The following E2F8 variants were observed in gnomAD, a reference collection of about 807,000 sequenced individuals.
E2F8 encodes transcription factor E2F8.
A neutral mutation model predicts 80.8 loss-of-function variants in E2F8; 35 were observed. The ratio of observed to expected loss-of-function variants is 0.43; its 90% CI spans 0.33 to 0.57. The LOEUF is 0.57. Ranked by LOEUF, E2F8 falls within the 20% of genes least tolerant of loss-of-function variation. E2F8 has a pLI of 0.04. For missense variants in E2F8, 975 were observed against 1,056.2 expected (o/e 0.92, Z 1.07); for synonymous variants, 386 against 395.0 (o/e 0.98, Z 0.27).
chr11:19,234,353 C>T lies in E2F8; in HGVS notation c.928+7G>A, dbSNP rs753485713. ...GTTCAAAAATCCATGGCAGTCATGA[C>T]ACTTACTTTTAAACTTGCTTTTATC... On this transcript the variant is annotated splice_region_variant and intron_variant, in intron 6 of 12. Coordinates refer to ENST00000250024, the MANE Select transcript of E2F8 (RefSeq NM_024680.4). 1 of 1,613,242 alleles carries T rather than the reference C, an allele frequency of 6.2e-7. No homozygotes were observed. Among genetic ancestry groups the T allele is most frequent in the Non-Finnish European group, 8.5e-7 (1 of 1,179,744 alleles).
At chr11:19,240,293 A>C (rs1047276530) in intron 1 of E2F8, 63 bp from the exon 2 acceptor site, 14 of 391,614 alleles carry the variant, frequency 3.6e-5, no homozygotes, top group Non-Finnish European at 6.5e-5. Context: ...TCTGTTGAAA[A>C]TTCCTTCACG....
In E2F8 at chr11:19,237,361, G is replaced by C. The variant is rs746701153; in HGVS notation, c.404C>G (p.Pro135Arg). Residue 135 changes from proline to arginine, a missense_variant, in exon 4 of 13, where the codon CCT (proline) becomes CGT (arginine). Physicochemically the swap from Pro to Arg is moderately radical, Grantham distance 103. Transcript: ENST00000250024. ...AAGGCAGATGTCATTATTCACAGCA[G>C]GGTTGGGATAATTAGGATATCGTGC... ...FLARYPNYPNPAVNNDICLDE... is the reference protein window; with the variant it reads ...FLARYPNYPNRAVNNDICLDE... 9 of 1,614,128 alleles carry C rather than the reference G, an allele frequency of 5.6e-6. No individual in the cohort carries two copies. The Admixed American group carries it at 1.0e-4, about 18-fold the overall frequency.
chr11:19,224,929 G>A (rs1851189599), intron 12 of E2F8, 89 bp from the exon 13 acceptor site: 1 of 1,447,144 alleles, frequency 6.9e-7, no homozygotes, highest in Admixed American at 2.1e-5. Flanking sequence ...CTGGATGAAT[G>A]TATTGCACAT....
In E2F8 at chr11:19,234,815, T is replaced by A. The variant is rs1851470240; in HGVS notation, c.695A>T (p.Lys232Ile). The change falls in exon 5 of 13, where the codon AAA becomes ATA. Residue 232 changes from lysine to isoleucine, a missense_variant. Physicochemically the swap from Lys to Ile is moderately radical, Grantham distance 102. Coordinates refer to ENST00000250024, the MANE Select transcript of E2F8 (RefSeq NM_024680.4). ...GTGTCCATTTGGGCCAGTGTTTGAT[T>A]TGATGATATGATCCTCTATACTGTA... Reference protein sequence around the residue: ...KSYSIEDHIIKSNTGPNGHPD... With the variant: ...KSYSIEDHIIISNTGPNGHPD... 1 of 1,614,136 alleles carries A rather than the reference T, an allele frequency of 6.2e-7. No homozygotes were observed. The highest frequency in any genetic ancestry group is 1.3e-5 in the African/African-American group (1 of 74,942).
chr11:19,229,478 T>C lies in E2F8; in HGVS notation c.1869A>G (p.Leu623=). ...SGSKKKFKED[L]KGLENVSATL... ...CTGCGGAGACATTTTCAAGTCCTTT[T>C]AGGTCCTCTTTAAATTTCTTTTTGG... Residue 623 remains leucine (L), a synonymous_variant, in exon 10 of 13, where the codon CTA becomes CTG. Coordinates refer to ENST00000250024, the MANE Select transcript of E2F8 (RefSeq NM_024680.4). This position sits in a 1 kb window ranked among gnomAD's most constrained non-coding sequence, Gnocchi z 4.3. 6.2e-7 allele frequency: 1 copy of C among 1,613,964 alleles called. No individual in the cohort carries two copies. The highest frequency in any genetic ancestry group is 8.5e-7 in the Non-Finnish European group (1 of 1,179,962).
intron 3 of E2F8, 49 bp downstream of exon 3, chr11:19,237,805 C>G: frequency 1.3e-6 from 2 of 1,568,316 alleles, no homozygotes; most frequent in Admixed American, 1.9e-5. Context: ...AACCTCCCCC[C>G]TCCCCCCAAC....
At position 19,225,733 on chromosome 11, in the gene E2F8, T is replaced by A; in HGVS notation, c.2025A>T (p.Ala675=). The change falls in exon 11 of 13, where the codon GCA becomes GCT. Residue 675 remains alanine (A), a splice_region_variant and synonymous_variant. Transcript: ENST00000250024. ...PNHRIYSSPI[A]GVIPVTSSEL... Reference sequence around the variant, plus strand: ...GGTTAGTGTTTTATGTGCACTCACCTGCAATTGGGGAGCTGTAAATCCTGT... The same window carrying A: ...GGTTAGTGTTTTATGTGCACTCACCAGCAATTGGGGAGCTGTAAATCCTGT... 2.5e-6 allele frequency: 4 copies of A among 1,614,196 alleles called. No homozygotes were observed. The highest frequency in any genetic ancestry group is 3.4e-6 in the Non-Finnish European group (4 of 1,180,028).
chr11:19,229,780 T>G lies in E2F8; in HGVS notation c.1567A>C (p.Ile523Leu), dbSNP rs1020810271. The G allele has an allele frequency of 6.2e-7, 1 of 1,613,964 alleles. No homozygotes were observed. The change falls in exon 10 of 13, where the codon ATC becomes CTC. Residue 523 changes from isoleucine to leucine, a missense_variant. By Grantham distance (5) the Ile-to-Leu change is conservative. Transcript: ENST00000250024. This position sits in a 1 kb window ranked among gnomAD's most constrained non-coding sequence, Gnocchi z 4.3. The part of the protein sequence containing the change: ...PQAPSGPSYA[I>L]YLQPTQAHQS... Reference sequence around the variant, plus strand: ...TGGGCTTGAGTGGGCTGCAGGTAGATGGCATAGGATGGGCCTGAAGGGGCC... The same window carrying G: ...TGGGCTTGAGTGGGCTGCAGGTAGAGGGCATAGGATGGGCCTGAAGGGGCC...
chr11:19,237,812 C>A, intron 3 of E2F8, 42 bp downstream of exon 3: 1 of 1,573,958 alleles, frequency 6.4e-7, no homozygotes, highest in Non-Finnish European at 8.6e-7. Context: ...CCCCTCCCCC[C>A]AACAAATTCC....
chr11:19,233,748 A>G (rs1590127715), intron 6 of E2F8, among the ~76,000 whole-genome samples: 1 of 151,906 alleles, frequency 6.6e-6, no homozygotes, highest in African/African-American at 2.4e-5. Context: ...TCGGCCTCCC[A>G]AAGTGCTGAG....
In E2F8 at chr11:19,236,573, A is replaced by G. The variant is rs907361336; in HGVS notation, c.451+741T>C. 5.3e-5 allele frequency among the ~76,000 whole-genome samples: 8 copies of G among 152,236 alleles called. No homozygotes were observed. The South Asian group carries it at 8.3e-4, about 16-fold the overall frequency. ...ATCCTACCCAGCTACCATTAAGCAT[A>G]TATGAAAAGTAGATGAATCTAAACG... On this transcript the variant is annotated intron_variant, in intron 4 of 12. Coordinates refer to ENST00000250024, the MANE Select transcript of E2F8 (RefSeq NM_024680.4).
chr11:19,234,484 T>C lies in E2F8; in HGVS notation c.804A>G (p.Val268=). The change falls in exon 6 of 13, where the codon GTA becomes GTG. Residue 268 remains valine (V), a synonymous_variant. Coordinates refer to ENST00000250024, the MANE Select transcript of E2F8 (RefSeq NM_024680.4). The part of the protein sequence containing the change: ...VNSRKDKSLR[V]MSQKFVMLFL... ...ACAGCATCACAAATTTCTGGCTCATTACCCTTAAAGACTTGTCTTTGCGGC... is the reference window on the plus strand; with the variant it reads ...ACAGCATCACAAATTTCTGGCTCATCACCCTTAAAGACTTGTCTTTGCGGC... 1.2e-6 allele frequency: 2 copies of C among 1,614,210 alleles called. No individual in the cohort carries two copies. Among genetic ancestry groups the C allele is most frequent in the African/African-American group, 1.3e-5 (1 of 75,040 alleles).
chr11:19,233,753 G>A (rs1364775651), intron 6 of E2F8, among the ~76,000 whole-genome samples: 3 of 151,996 alleles, frequency 2.0e-5, no homozygotes, highest in Non-Finnish European at 4.4e-5. Context: ...CTCCCAAAGT[G>A]CTGAGATTAC....
At chr11:19,239,847 A>G (rs976598897) in intron 2 of E2F8, among the ~76,000 whole-genome samples, 3 of 151,262 alleles carry the variant, frequency 2.0e-5, no homozygotes, top group African/African-American at 7.3e-5. Context: ...GAATTCAGAA[A>G]GGGCATTTGA....
rs145508406 is a variant in E2F8 at position 19,227,819 on chromosome 11, G to A, written c.1893+1635C>T. The stretch of plus-strand genomic sequence containing the variant: ...ATGGTTAAAGTGGGCTGGGCATGAC[G>A]GCAAATGCCTGTGATCTCAGCACTT... On this transcript the variant is annotated intron_variant, in intron 10 of 12. Transcript: ENST00000250024. 1.3e-3 allele frequency among the ~76,000 whole-genome samples: 204 copies of A among 152,298 alleles called. 3 individuals carry two copies. The highest frequency in any genetic ancestry group is 4.6e-3 in the African/African-American group (191 of 41,562).
intron 7 of E2F8, among the ~76,000 whole-genome samples, 153 bp downstream of exon 7, chr11:19,232,081 A>G (rs1250678786): frequency 6.6e-6 from 1 of 152,242 alleles, no homozygotes; most frequent in African/African-American, 2.4e-5. Flanking sequence ...ATAGGAATAG[A>G]AAATCAAACA....
intron 10 of E2F8, among the ~76,000 whole-genome samples, chr11:19,228,373 G>A (rs186077599): frequency 6.6e-6 from 1 of 152,334 alleles, no homozygotes; most frequent in East Asian, 1.9e-4. Context: ...CAAACTCTAA[G>A]CTTCCTCTTT....
In E2F8 at chr11:19,237,390, G is replaced by A. The variant is rs1263434605; in HGVS notation, c.375C>T (p.Phe125=). 13 of 1,614,148 alleles carry A rather than the reference G, an allele frequency of 8.1e-6. No homozygotes were observed. Among genetic ancestry groups the A allele is most frequent in the Non-Finnish European group, 1.1e-5 (13 of 1,179,994 alleles). The change falls in exon 4 of 13, where the codon TTC becomes TTT. Residue 125 remains phenylalanine, a synonymous_variant. Transcript: ENST00000250024. ...TGGGATAATTAGGATATCGTGCTAA[G>A]AACTTATGACACAATAATCCTAAAC... ...EKSLGLLCHK[F]LARYPNYPNP... is the part of the protein sequence containing the mutation.
Position 19,225,264 on chromosome 11 carries a change from C to T in E2F8, c.2378G>A (p.Ser793Asn). The change falls in exon 12 of 13, where the codon AGC becomes AAC. Residue 793 changes from serine (S) to asparagine (N), a missense_variant. Coordinates refer to ENST00000250024, the MANE Select transcript of E2F8 (RefSeq NM_024680.4). ...AGCAACTGATTGTCCATTTGGCTGG[C>T]TCTGGCCTGGGACTGGTGAGTCATA... ...TNYDSPVPGQ[S>N]QPNGQSVAVT... 1 of 1,614,020 alleles carries T rather than the reference C, an allele frequency of 6.2e-7. No individual in the cohort carries two copies. Among genetic ancestry groups the T allele is most frequent in the Non-Finnish European group, 8.5e-7 (1 of 1,180,042 alleles).
Sources: allele counts gnomAD v4.1 joint callset (sites outside exome capture counted in the v4.1 genomes callset), GRCh38; gene constraint gnomAD v4.1.1; non-coding constraint Gnocchi (gnomAD v3.1); transcripts MANE v1.5; gene names NCBI Gene and HGNC (gene_info 2026-07-23, HGNC 2026-07-21).